The following GRIK1 variants were observed in gnomAD, a reference collection of about 807,000 sequenced individuals.
The protein encoded by GRIK1 is glutamate receptor ionotropic, kainate 1.
Under a neutral mutation model 105.7 loss-of-function variants are expected in GRIK1, and 69 were observed. The observed-to-expected ratio is 0.65, with a 90% CI of 0.54 to 0.80. The LOEUF is 0.80. Ranked by LOEUF, GRIK1 falls within the 30% of genes least tolerant of loss-of-function variation. The pLI, the probability that GRIK1 is intolerant of heterozygous loss-of-function variation, is 0.00. For synonymous variants in GRIK1, 438 were observed against 431.3 expected (o/e 1.02, Z -0.19); for missense variants, 1,109 against 1,167.3 (o/e 0.95, Z 0.73).
Position 29,560,511 on chromosome 21 carries a change from C to CTTTCTTTCTTTCTTTCTTT in GRIK1, c.2356+1112_2356+1113insAAAGAAAGAAAGAAAGAAA, listed in dbSNP as rs1568815314. Among the ~76,000 whole-genome samples the CTTTCTTTCTTTCTTTCTTT allele has an allele frequency of 8.7e-4, 35 of 40,216 alleles. 7 individuals are homozygous for CTTTCTTTCTTTCTTTCTTT. Among genetic ancestry groups the CTTTCTTTCTTTCTTTCTTT allele is most frequent in the East Asian group, 5.0e-3 (8 of 1,606 alleles). 26.4% of individuals were successfully genotyped at this position (40,216 alleles called of 152,430 possible). A position where few individuals can be genotyped will look rare whatever the true frequency, so the allele number is the denominator to read the frequency against. The stretch of plus-strand genomic sequence containing the variant: ...TCTTTCTTTCTTTCCTTCCTTCCTT[C>CTTTCTTTCTTTCTTTCTTT]CTTCCTTCCTTTCTTTCTTTCTTTC... On this transcript the variant is annotated intron_variant, in intron 15 of 17. Transcript: ENST00000327783.
At chr21:29,632,011 C>A (rs60125459) in intron 7 of GRIK1, among the ~76,000 whole-genome samples, 277 of 151,906 alleles carry the variant, frequency 1.8e-3, no homozygotes, top group African/African-American at 6.3e-3. Flanking sequence ...GCCAAAATAT[C>A]CATGCAGAAG....
At chr21:29,547,969 A>G (rs1568795800) in intron 16 of GRIK1, among the ~76,000 whole-genome samples, 1 of 152,204 alleles carries the variant, frequency 6.6e-6, no homozygotes, top group Non-Finnish European at 1.5e-5. Context: ...TGGTAAACTG[A>G]TCAGGACTGC....
intron 1 of GRIK1, among the ~76,000 whole-genome samples, chr21:29,838,285 C>T (rs1209494558): frequency 1.3e-5 from 2 of 151,838 alleles, no homozygotes; most frequent in African/African-American, 4.8e-5. Context: ...AATTGGACAA[C>T]CAAGAAGATA....
At chr21:29,887,617 A>G (rs2069682678) in intron 1 of GRIK1, among the ~76,000 whole-genome samples, 1 of 152,190 alleles carries the variant, frequency 6.6e-6, no homozygotes. Flanking sequence ...TCATATAATA[A>G]GAAAGTCAGA....
intron 1 of GRIK1, among the ~76,000 whole-genome samples, chr21:29,888,488 A>G (rs1267768379): frequency 1.3e-5 from 2 of 150,736 alleles, no homozygotes; most frequent in Non-Finnish European, 3.0e-5. Context: ...CTGTTCTCAA[A>G]CTCCTAGGCT....
chr21:29,567,398 A>T lies in GRIK1; in HGVS notation c.2131-5549T>A, dbSNP rs2090635574. Among the ~76,000 whole-genome samples, 4 of 152,182 alleles carry T rather than the reference A, an allele frequency of 2.6e-5. No homozygotes were observed. The South Asian group carries it at 8.3e-4, about 31-fold the overall frequency. On this transcript the variant is annotated intron_variant, in intron 14 of 17. Coordinates refer to ENST00000327783, the MANE Select transcript of GRIK1 (RefSeq NM_001330994.2). ...TATAAGACTTTCACAGTTAGGATGT[A>T]TAATCTCATTTTTCAGTAGAATCAG... is the stretch of plus-strand genomic sequence containing the variant.
At chr21:29,781,819 C>T (rs1171102880) in intron 1 of GRIK1, among the ~76,000 whole-genome samples, 16 of 148,438 alleles carry the variant, frequency 1.1e-4, no homozygotes, top group African/African-American at 2.5e-4. Flanking sequence ...TACAGGCGCC[C>T]GCCACCGCGC....
At chr21:29,716,337 T>A (rs1372740122) in intron 1 of GRIK1, among the ~76,000 whole-genome samples, 1 of 152,180 alleles carries the variant, frequency 6.6e-6, no homozygotes, top group East Asian at 1.9e-4. Context: ...ACTTTGGGAC[T>A]GGATAACAGG....
chr21:29,859,219 G>C (rs1184146537), intron 1 of GRIK1, among the ~76,000 whole-genome samples: 5 of 151,256 alleles, frequency 3.3e-5, no homozygotes, highest in African/African-American at 7.3e-5. Flanking sequence ...TTGTGGGGTG[G>C]GGGGAGGAGG....
intron 1 of GRIK1, among the ~76,000 whole-genome samples, chr21:29,741,788 A>G (rs1465206080): frequency 6.6e-6 from 1 of 152,176 alleles, no homozygotes; most frequent in East Asian, 1.9e-4. Flanking sequence ...CTCATTGGGG[A>G]CTTTACATGT....
chr21:29,933,407 A>T (rs1305180268), intron 1 of GRIK1, among the ~76,000 whole-genome samples: 1 of 152,180 alleles, frequency 6.6e-6, no homozygotes, highest in Non-Finnish European at 1.5e-5. Context: ...GCTACGATTC[A>T]AATAAGGGTC....
At chr21:29,792,012 A>T (rs1346670527) in intron 1 of GRIK1, among the ~76,000 whole-genome samples, 4 of 152,192 alleles carry the variant, frequency 2.6e-5, no homozygotes, top group African/African-American at 9.7e-5. Context: ...AATTTTTGAT[A>T]AAAAAGTGGG....
intron 16 of GRIK1, among the ~76,000 whole-genome samples, chr21:29,541,191 C>T (rs970802707): frequency 4.6e-4 from 70 of 152,316 alleles, no homozygotes; most frequent in African/African-American, 1.6e-3. Context: ...TGGTCTTGAT[C>T]TCCTGACCTC....
intron 3 of GRIK1, among the ~76,000 whole-genome samples, chr21:29,683,927 T>C (rs1780748546): frequency 6.6e-6 from 1 of 152,214 alleles, no homozygotes; most frequent in South Asian, 2.1e-4. Flanking sequence ...ATGTCTGAAA[T>C]GCTCTCCCCC....
At chr21:29,629,194 A>ATGTGTGTGTGTGTGTGTGTG (rs71191120) in intron 7 of GRIK1, among the ~76,000 whole-genome samples, 2 of 132,570 alleles carry the variant, frequency 1.5e-5, no homozygotes, top group African/African-American at 3.1e-5. Context: ...GAAAGGAGAA[A>ATGTGTGTGTGTGTGTGTGTG]TGTGTGTGTG....
intron 1 of GRIK1, among the ~76,000 whole-genome samples, chr21:29,808,057 T>C (rs530958777): frequency 6.6e-6 from 1 of 152,222 alleles, no homozygotes; most frequent in African/African-American, 2.4e-5. Flanking sequence ...TATTCTCCAC[T>C]GGATTTGAAG....
intron 1 of GRIK1, among the ~76,000 whole-genome samples, chr21:29,770,832 G>A (rs1048716845): frequency 6.6e-6 from 1 of 152,150 alleles, no homozygotes; most frequent in Non-Finnish European, 1.5e-5. Flanking sequence ...ATATTCACTT[G>A]CCTAGGTCCT....
intron 6 of GRIK1, among the ~76,000 whole-genome samples, chr21:29,643,498 G>A (rs896513829): frequency 1.3e-5 from 2 of 152,210 alleles, no homozygotes; most frequent in Admixed American, 1.3e-4. Context: ...CATAGTCATG[G>A]AATGAAACTC....
chr21:29,672,295 G>A (rs747733081), intron 4 of GRIK1, among the ~76,000 whole-genome samples: 3 of 152,020 alleles, frequency 2.0e-5, no homozygotes, highest in Non-Finnish European at 4.4e-5. Context: ...AACCTCAGGT[G>A]ATCCTGCCTG....
Sources: allele counts gnomAD v4.1 joint callset (sites outside exome capture counted in the v4.1 genomes callset), GRCh38; gene constraint gnomAD v4.1.1; transcripts MANE v1.5; gene names NCBI Gene and HGNC (gene_info 2026-07-23, HGNC 2026-07-21).